The following AOAH variants were observed in gnomAD, a reference collection of about 807,000 sequenced individuals.
AOAH encodes the protein acyloxyacyl hydrolase (neutrophil).
A neutral mutation model predicts 92.2 loss-of-function variants in AOAH; 64 were observed. The observed-to-expected ratio is 0.69, with a 90% CI of 0.57 to 0.86. The LOEUF is 0.86. AOAH is among the 40% of genes least tolerant of loss of function. The pLI is 0.00. For missense variants in AOAH, 656 were observed against 694.6 expected (o/e 0.94, Z 0.62); for synonymous variants, 263 against 254.5 (o/e 1.03, Z -0.32).
chr7:36,650,746 G>A (rs538660843), intron 4 of AOAH, among the ~76,000 whole-genome samples: 14 of 152,270 alleles, frequency 9.2e-5, no homozygotes, highest in African/African-American at 2.4e-4. Flanking sequence ...CAGGACTGCC[G>A]TTCTCATCCT....
chr7:36,697,839 A>G (rs1797813699), intron 1 of AOAH, among the ~76,000 whole-genome samples: 1 of 152,232 alleles, frequency 6.6e-6, no homozygotes, highest in South Asian at 2.1e-4. Context: ...ACACTCAGAG[A>G]AGAGAATGCC....
intron 15 of AOAH, 63 bp from the exon 16 acceptor site, chr7:36,540,554 A>C: frequency 7.0e-7 from 1 of 1,430,974 alleles, no homozygotes; most frequent in Non-Finnish European, 9.7e-7. Context: ...TGCAAGTTGC[A>C]CGCAAATACA....
chr7:36,605,444 A>G (rs1790926515), intron 11 of AOAH, among the ~76,000 whole-genome samples: 1 of 152,130 alleles, frequency 6.6e-6, no homozygotes. Flanking sequence ...GACATAATTA[A>G]CCAGGGGACA....
chr7:36,643,855 A>G (rs181265888), intron 4 of AOAH, among the ~76,000 whole-genome samples: 119 of 152,238 alleles, frequency 7.8e-4, no homozygotes, highest in African/African-American at 2.8e-3. Flanking sequence ...CTCTTGCCAT[A>G]TAAGAGGTTC....
chr7:36,587,486 G>A (rs992656190), intron 12 of AOAH, among the ~76,000 whole-genome samples: 3 of 151,994 alleles, frequency 2.0e-5, no homozygotes, highest in Non-Finnish European at 2.9e-5. Context: ...TTAATACCTT[G>A]TTACGTTAAA....
chr7:36,555,526 T>C (rs1478501491), intron 13 of AOAH, among the ~76,000 whole-genome samples: 4 of 152,174 alleles, frequency 2.6e-5, no homozygotes, highest in African/African-American at 9.7e-5. Flanking sequence ...GATTCCCTCT[T>C]TTTCTATTGA....
At chr7:36,513,693 T>A (rs1790175010) in intron 20 of AOAH, among the ~76,000 whole-genome samples, 1 of 152,218 alleles carries the variant, frequency 6.6e-6, no homozygotes, top group Non-Finnish European at 1.5e-5. Flanking sequence ...CCGGTTGCCA[T>A]CCAGCCTGAA....
chr7:36,623,958 C>T (rs948431626), intron 6 of AOAH, among the ~76,000 whole-genome samples: 2 of 152,166 alleles, frequency 1.3e-5, no homozygotes, highest in African/African-American at 4.8e-5. Context: ...AACATAAGGC[C>T]GATTCACACT....
At chr7:36,712,780 C>G (rs1466624378) in intron 1 of AOAH, among the ~76,000 whole-genome samples, 1 of 152,102 alleles carries the variant, frequency 6.6e-6, no homozygotes, top group Non-Finnish European at 1.5e-5. Flanking sequence ...TAAGCAAATG[C>G]TGACAGATTT....
intron 13 of AOAH, among the ~76,000 whole-genome samples, chr7:36,568,643 G>T (rs918994953): frequency 6.6e-6 from 1 of 152,118 alleles, no homozygotes; most frequent in African/African-American, 2.4e-5. Context: ...CTCTTCTGGG[G>T]TTTCCCTTCA....
At chr7:36,649,220 G>T (rs1028535138) in intron 4 of AOAH, among the ~76,000 whole-genome samples, 1 of 152,206 alleles carries the variant, frequency 6.6e-6, no homozygotes, top group Non-Finnish European at 1.5e-5. Context: ...AGGTAGGACA[G>T]AAATTTGATT....
chr7:36,719,127 T>A (rs1799457542), intron 1 of AOAH, among the ~76,000 whole-genome samples: 2 of 152,212 alleles, frequency 1.3e-5, no homozygotes, highest in South Asian at 4.1e-4. Context: ...AGGATAATGA[T>A]AATACAGACT....
intron 1 of AOAH, among the ~76,000 whole-genome samples, chr7:36,699,651 TTTG>T (rs1283617001): frequency 4.6e-5 from 7 of 151,270 alleles, no homozygotes; most frequent in African/African-American, 1.5e-4. Flanking sequence ...TTTTTTTTTT[TTTG>T]CTATTGAGCT....
intron 1 of AOAH, among the ~76,000 whole-genome samples, chr7:36,688,850 T>A (rs1029183794): frequency 3.9e-5 from 6 of 152,098 alleles, no homozygotes; most frequent in African/African-American, 1.4e-4. Flanking sequence ...TATATGTGTA[T>A]ATGTATATGT....
chr7:36,664,478 C>T (rs1795420471), intron 3 of AOAH, among the ~76,000 whole-genome samples: 1 of 152,072 alleles, frequency 6.6e-6, no homozygotes, highest in Non-Finnish European at 1.5e-5. Context: ...GATTATTTGT[C>T]TGTCCTTTCA....
At chr7:36,525,637 A>C (rs957589326) in intron 19 of AOAH, among the ~76,000 whole-genome samples, 8 of 152,210 alleles carry the variant, frequency 5.3e-5, no homozygotes, top group African/African-American at 1.9e-4. Context: ...TCTAAAATTC[A>C]AAACTTTTTG....
intron 15 of AOAH, among the ~76,000 whole-genome samples, chr7:36,541,832 C>A (rs1785445363): frequency 1.3e-5 from 2 of 152,190 alleles, no homozygotes; most frequent in African/African-American, 4.8e-5. Context: ...AGGAACACAA[C>A]AAATTTGGAT....
Position 36,586,607 on chromosome 7 carries a change from C to T in AOAH, c.938+7732G>A, listed in dbSNP as rs138704011. Among the ~76,000 whole-genome samples, 93 of 152,306 alleles carry T rather than the reference C, an allele frequency of 6.1e-4. No homozygotes were observed. The Middle Eastern group carries it at 0.024, about 39-fold the overall frequency. ...CAGCTATGTTTCCTTTTTATACTTA[C>T]TCCTTAGAACAAAAGTTCTCAAACT... On this transcript the variant is annotated intron_variant, in intron 12 of 20. Coordinates refer to ENST00000617537, the MANE Select transcript of AOAH (RefSeq NM_001637.4).
intron 5 of AOAH, among the ~76,000 whole-genome samples, chr7:36,637,405 G>A (rs1350762406): frequency 6.6e-6 from 1 of 152,140 alleles, no homozygotes; most frequent in Non-Finnish European, 1.5e-5. Flanking sequence ...GGAGAAGCAG[G>A]AGGATACAGC....
Sources: allele counts gnomAD v4.1 joint callset (sites outside exome capture counted in the v4.1 genomes callset), GRCh38; gene constraint gnomAD v4.1.1; transcripts MANE v1.5; gene names NCBI Gene and HGNC (gene_info 2026-07-23, HGNC 2026-07-21).